PLAGL1: variants seen among roughly 807,000 people sequenced by gnomAD.
The protein encoded by PLAGL1 is PLAG1 like zinc finger 1.
In PLAGL1, 1 loss-of-function variant was observed where a neutral mutation model predicts 4.6. The ratio of observed to expected loss-of-function variants is 0.22; its 90% CI spans 0.08 to 1.03. The LOEUF is 1.03. Among genes scored for constraint, PLAGL1 ranks in the 50% least tolerant of loss-of-function variants. The pLI is 0.58. For synonymous variants in PLAGL1, 240 were observed against 237.8 expected, an observed-to-expected ratio of 1.01 and a Z score of -0.08; for missense variants, 464 against 570.4, an observed-to-expected ratio of 0.81 and a Z score of 1.90.
At position 144,050,987 on chromosome 6, in the gene PLAGL1, A is replaced by T. The variant is rs1376464338; in HGVS notation, c.-151+13481T>A. On this transcript the variant is annotated intron_variant, in intron 1 of 3. Transcript: ENST00000437412. The surrounding 1 kb of genome is among the most constrained non-coding windows in gnomAD (Gnocchi z 4.3). ...CTTCAGGCAAAATCTGCTGACAAACATTTATAAATTAAATGTAAAAATAAA... is the reference window on the plus strand; with the variant it reads ...CTTCAGGCAAAATCTGCTGACAAACTTTTATAAATTAAATGTAAAAATAAA... 2.0e-5 allele frequency among the ~76,000 whole-genome samples: 3 copies of T among 152,246 alleles called. No homozygotes were observed. The highest frequency in any genetic ancestry group is 4.4e-5 in the Non-Finnish European group (3 of 68,036).
rs1339991727 is a variant in PLAGL1, at chr6:143,970,227, G to A, written c.-543-1249C>T. ...AATTTGAATCTTACTAATGCAAAAG[G>A]CATAAACTTTTAGGTATAAGCTGAG... On this transcript the variant is annotated intron_variant, in intron 2 of 7. Transcript: ENST00000674357. This position sits in a 1 kb window ranked among gnomAD's most constrained non-coding sequence, Gnocchi z 5.8. Among the ~76,000 whole-genome samples the A allele has an allele frequency of 6.6e-6, 1 of 152,146 alleles. No individual in the cohort carries two copies. The highest frequency in any genetic ancestry group is 1.5e-5 in the Non-Finnish European group (1 of 68,018).
At position 144,005,093 on chromosome 6, in the gene PLAGL1, TTGA is replaced by T. The variant is rs1389390994; in HGVS notation, c.-584+2994_-584+2996del. On this transcript the variant is annotated intron_variant, in intron 1 of 7. Transcript: ENST00000674357. This position sits in a 1 kb window ranked among gnomAD's most constrained non-coding sequence, Gnocchi z 4.6. ...AAAAGTCTGTGAGTACAAATTATTC[TTGA>T]TGATACAAGGAGCAGTTAAAACCAT... 6.6e-6 allele frequency: 1 copy of T among 151,880 alleles called. No homozygotes were observed. The highest frequency in any genetic ancestry group is 2.4e-5 in the African/African-American group (1 of 41,398). The allele number at this position is 151,880 out of a possible 1,614,324, so 9.4% of individuals were successfully genotyped here. A position where few individuals can be genotyped will look rare whatever the true frequency, so the allele number is the denominator to read the frequency against.
At chr6:144,008,326 T>C (rs1203622126), upstream of PLAGL1, 2 of 151,766 alleles carry the variant, frequency 1.3e-5, no homozygotes, top group African/African-American at 4.8e-5. The surrounding 1 kb of genome is among the most constrained non-coding windows in gnomAD (Gnocchi z 6.9). Context: ...GAATGACAAA[T>C]GGCAGATGCC....
intron 1 of PLAGL1, among the ~76,000 whole-genome samples, chr6:144,021,896 T>C (rs763974272): frequency 2.0e-5 from 3 of 152,166 alleles, no homozygotes; most frequent in Non-Finnish European, 2.9e-5. Context: ...AACTGAAAAC[T>C]GAAAGATACT....
At chr6:144,051,402 C>T (rs1461722226) in intron 1 of PLAGL1, among the ~76,000 whole-genome samples, 1 of 152,210 alleles carries the variant, frequency 6.6e-6, no homozygotes, top group East Asian at 1.9e-4. Context: ...TGGTAAACAA[C>T]ACCCACCATG....
upstream of PLAGL1, among the ~76,000 whole-genome samples, chr6:144,010,873 A>G (rs916501897): frequency 2.6e-5 from 4 of 152,242 alleles, no homozygotes; most frequent in African/African-American, 7.2e-5. The surrounding 1 kb of genome is among the most constrained non-coding windows in gnomAD (Gnocchi z 4.1). Context: ...CCTAGTTAAT[A>G]AATGGTGTTG....
Position 143,963,395 on chromosome 6 carries a change from C to T in PLAGL1, c.-399+1392G>A, listed in dbSNP as rs372162597. 6.6e-6 allele frequency among the ~76,000 whole-genome samples: 1 copy of T among 152,216 alleles called. No individual in the cohort carries two copies. On this transcript the variant is annotated intron_variant, in intron 5 of 7. Coordinates refer to ENST00000674357, the MANE Select transcript of PLAGL1 (RefSeq NM_001317162.2). This position sits in a 1 kb window ranked among gnomAD's most constrained non-coding sequence, Gnocchi z 6.1. ...TCAAACGTTAACCCACAGACTTGCT[C>T]CTCCTCCAGCACTGCCTGTTCTAGC...
At chr6:144,008,430 G>A (rs1218028487), upstream of PLAGL1, 3 of 151,990 alleles carry the variant, frequency 2.0e-5, no homozygotes, top group Admixed American at 2.0e-4. This position sits in a 1 kb window ranked among gnomAD's most constrained non-coding sequence, Gnocchi z 6.9. Context: ...GCGGCCGCGA[G>A]GAGGGCGCTG....
chr6:144,038,001 G>GA (rs1246982089), intron 1 of PLAGL1, among the ~76,000 whole-genome samples: 1 of 152,032 alleles, frequency 6.6e-6, no homozygotes, highest in African/African-American at 2.4e-5. Context: ...AAAAATAATT[G>GA]AAAAAAATGA....
In PLAGL1 at chr6:143,955,234, C is replaced by T. The variant is rs529159653; in HGVS notation, c.-325+5235G>A. ...TTGAAGCTAGCGTAGAAGTTTACAA[C>T]GTGTTCAAGAGGGAGGTGGTCTATT... On this transcript the variant is annotated intron_variant, in intron 6 of 7. Coordinates refer to ENST00000674357, the MANE Select transcript of PLAGL1 (RefSeq NM_001317162.2). The surrounding 1 kb of genome is among the most constrained non-coding windows in gnomAD (Gnocchi z 4.9). 2.3e-4 allele frequency among the ~76,000 whole-genome samples: 35 copies of T among 152,198 alleles called. No individual in the cohort carries two copies. Among genetic ancestry groups the T allele is most frequent in the South Asian group, 1.5e-3 (7 of 4,818 alleles).
rs1360166917 is a variant in PLAGL1, at chr6:143,966,589, T to C, written c.-471-391A>G. 6.6e-6 allele frequency: 1 copy of C among 152,206 alleles called. No homozygotes were observed. Among genetic ancestry groups the C allele is most frequent in the Non-Finnish European group, 1.5e-5 (1 of 68,032 alleles). 9.4% of individuals were successfully genotyped at this position (152,206 alleles called of 1,614,324 possible). The stretch of plus-strand genomic sequence containing the variant: ...GATCTTAATGCGGTTTCAATTTACA[T>C]GGTGATTGTGTGTTTTATGAACCAC... On this transcript the variant is annotated intron_variant, in intron 3 of 7. Coordinates refer to ENST00000674357, the MANE Select transcript of PLAGL1 (RefSeq NM_001317162.2). This position sits in a 1 kb window ranked among gnomAD's most constrained non-coding sequence, Gnocchi z 6.0.
rs1305626922 is a variant in PLAGL1 at position 143,983,166 on chromosome 6, CAA to C, written c.-544+1967_-544+1968del. On this transcript the variant is annotated intron_variant, in intron 2 of 7. Coordinates refer to ENST00000674357, the MANE Select transcript of PLAGL1 (RefSeq NM_001317162.2). The surrounding 1 kb of genome is among the most constrained non-coding windows in gnomAD (Gnocchi z 6.6). ...TGGGAAAGTGTGCAGACTCAGAAGA[CAA>C]GAGAAGAACATACTTCACAGAGCAG... Among the ~76,000 whole-genome samples the C allele has an allele frequency of 6.6e-6, 1 of 151,948 alleles. No homozygotes were observed. The highest frequency in any genetic ancestry group is 2.4e-5 in the African/African-American group (1 of 41,268).
rs893355476 is a variant in PLAGL1, at chr6:144,048,911, C to T, written c.-151+15557G>A. Reference sequence around the variant, plus strand: ...TTTTCCAAACTTCTATGCTCTGCTTCCCTTTTAAATCCAAATTCCAATTTC... The same window carrying T: ...TTTTCCAAACTTCTATGCTCTGCTTTCCTTTTAAATCCAAATTCCAATTTC... On this transcript the variant is annotated intron_variant, in intron 1 of 3. Coordinates refer to the PLAGL1 transcript ENST00000437412. The surrounding 1 kb of genome is among the most constrained non-coding windows in gnomAD (Gnocchi z 4.8). Among the ~76,000 whole-genome samples the T allele has an allele frequency of 5.3e-5, 8 of 152,232 alleles. No individual in the cohort carries two copies. Among genetic ancestry groups the T allele is most frequent in the African/African-American group, 1.9e-4 (8 of 41,456 alleles).
chr6:144,000,355 G>A lies in PLAGL1; in HGVS notation c.-584+7735C>T, dbSNP rs1305949859. Among the ~76,000 whole-genome samples the A allele has an allele frequency of 1.3e-5, 2 of 152,140 alleles. No homozygotes were observed. Among genetic ancestry groups the A allele is most frequent in the African/African-American group, 4.8e-5 (2 of 41,460 alleles). On this transcript the variant is annotated intron_variant, in intron 1 of 7. Transcript: ENST00000674357. The surrounding 1 kb of genome is among the most constrained non-coding windows in gnomAD (Gnocchi z 4.1). ...CATTTCTTGCAAATTATGTATTTAT[G>A]TAAATGGAAATATAATGTTATTTAT...
intron 1 of PLAGL1, chr6:144,037,714 T>C (rs892620964): frequency 1.3e-5 from 2 of 152,238 alleles, no homozygotes; most frequent in African/African-American, 2.4e-5. Flanking sequence ...ATGTTTTTTA[T>C]TTCTATATTT....
intron 1 of PLAGL1, among the ~76,000 whole-genome samples, chr6:143,987,850 C>A (rs1375639831): frequency 6.6e-6 from 1 of 152,122 alleles, no homozygotes; most frequent in African/African-American, 2.4e-5. Context: ...AAACATGGGA[C>A]AAAATAGATG....
upstream of PLAGL1, chr6:144,008,632 G>A (rs1046715771): frequency 1.3e-5 from 2 of 152,384 alleles, no homozygotes; most frequent in African/African-American, 2.4e-5. This position sits in a 1 kb window ranked among gnomAD's most constrained non-coding sequence, Gnocchi z 6.9. Context: ...TCTGCAGCGG[G>A]GCCTGCTAGC....
chr6:144,010,234 G>C (rs1477640712), upstream of PLAGL1, among the ~76,000 whole-genome samples: 1 of 152,094 alleles, frequency 6.6e-6, no homozygotes, highest in African/African-American at 2.4e-5. The surrounding 1 kb of genome is among the most constrained non-coding windows in gnomAD (Gnocchi z 4.1). Flanking sequence ...GATGTTACCT[G>C]ATAAGCAACT....
At position 143,948,117 on chromosome 6, in the gene PLAGL1, TG is replaced by T. The variant is rs1562391592; in HGVS notation, c.19del (p.Gln7SerfsTer43). On this transcript the variant is annotated frameshift_variant, in exon 7 of 8. Coordinates refer to ENST00000674357, the MANE Select transcript of PLAGL1 (RefSeq NM_001317162.2). LOFTEE classifies it high-confidence loss of function. The surrounding 1 kb of genome is among the most constrained non-coding windows in gnomAD (Gnocchi z 6.0). Reference sequence around the variant, plus strand: ...GGTGAGGAACGTCTTGCCACATAACTGGCAGGGGAACGTGGCCATGGGCTTT... The same window carrying T: ...GGTGAGGAACGTCTTGCCACATAACTGCAGGGGAACGTGGCCATGGGCTTT... MATFPC[Q>X]LCGKTFLTLE... The T allele has an allele frequency of 1.9e-6, 3 of 1,613,654 alleles. No homozygotes were observed. The Admixed American group carries it at 5.0e-5, about 27-fold the overall frequency.
Sources: allele counts gnomAD v4.1 joint callset (sites outside exome capture counted in the v4.1 genomes callset), GRCh38; gene constraint gnomAD v4.1.1; non-coding constraint Gnocchi (gnomAD v3.1); transcripts MANE v1.5; gene names NCBI Gene and HGNC (gene_info 2026-07-23, HGNC 2026-07-21).